The following FBXO11 variants were observed in gnomAD, a reference collection of about 807,000 sequenced individuals.
FBXO11 encodes the protein F-box only protein 11.
Under a neutral mutation model 117.0 loss-of-function variants are expected in FBXO11, and 13 were observed. The ratio of observed to expected loss-of-function variants is 0.11; its 90% CI spans 0.07 to 0.18. The LOEUF (loss-of-function observed/expected upper bound fraction) is 0.18. Ranked by LOEUF, FBXO11 falls within the 10% of genes least tolerant of loss-of-function variation. The probability of loss-of-function intolerance (pLI) is 1.00; values close to 1 mark genes in which losing one functional copy is unlikely to be tolerated. For synonymous variants in FBXO11, 490 were observed against 380.5 expected, an observed-to-expected ratio of 1.29 and a Z score of -3.35; for missense variants, 767 against 1,164.4, an observed-to-expected ratio of 0.66 and a Z score of 4.97.
At chr2:47,839,837 CTT>C in intron 1 of FBXO11, 68 bp from the exon 2 acceptor site, 1 of 1,472,612 alleles carries the variant, frequency 6.8e-7, no homozygotes, top group Non-Finnish European at 9.1e-7. Flanking sequence ...ATACAGAAAA[CTT>C]TCTTAAAACT....
chr2:47,833,903 A>G lies in FBXO11; in HGVS notation c.934+676T>C, dbSNP rs567974411. Among the ~76,000 whole-genome samples the G allele has an allele frequency of 2.6e-4, 40 of 151,904 alleles. 1 individual carries two copies. Among genetic ancestry groups the G allele is most frequent in the African/African-American group, 9.4e-4 (39 of 41,438 alleles). ...GGCCAGTCTTTAACTCCTGACCTGA[A>G]GCGATCCACCCACCTCAGCCTCCCA... On this transcript the variant is annotated intron_variant, in intron 7 of 22. Transcript: ENST00000403359.
chr2:47,831,427 G>GAAAAAAAA (rs920107554), intron 11 of FBXO11, among the ~76,000 whole-genome samples: 17 of 65,574 alleles, frequency 2.6e-4, no homozygotes, highest in African/African-American at 3.5e-4. Context: ...GTCTCAAAAA[G>GAAAAAAAA]AAAAAAAAAA....
chr2:47,870,666 T>C (rs1294377888), intron 1 of FBXO11, among the ~76,000 whole-genome samples: 5 of 152,334 alleles, frequency 3.3e-5, no homozygotes, highest in African/African-American at 7.2e-5. Context: ...TGCTGCTACT[T>C]TGATTTTAAA....
chr2:47,842,486 G>A (rs775148384), intron 1 of FBXO11, among the ~76,000 whole-genome samples: 2 of 151,940 alleles, frequency 1.3e-5, no homozygotes, highest in Admixed American at 6.6e-5. Context: ...TAATAACAAA[G>A]GTATAAAAAG....
intron 1 of FBXO11, among the ~76,000 whole-genome samples, chr2:47,864,349 A>G (rs1430005632): frequency 6.6e-6 from 1 of 152,230 alleles, no homozygotes; most frequent in African/African-American, 2.4e-5. Flanking sequence ...GCAGTTTGGG[A>G]GGCCAGGGCA....
At chr2:47,822,349 A>G (rs1393034616) in intron 12 of FBXO11, 46 bp from the exon 13 acceptor site, 2 of 1,286,688 alleles carry the variant, frequency 1.6e-6, no homozygotes, top group Non-Finnish European at 2.2e-6. Context: ...TATTCAGCCA[A>G]ACTTACTTGT....
chr2:47,903,727 G>C (rs1678501727), intron 1 of FBXO11, among the ~76,000 whole-genome samples: 1 of 152,160 alleles, frequency 6.6e-6, no homozygotes, highest in Admixed American at 6.5e-5. Context: ...TGTAGCAATA[G>C]AATCCTTAAT....
chr2:47,866,150 G>A (rs1166178701), intron 1 of FBXO11, among the ~76,000 whole-genome samples: 1 of 150,398 alleles, frequency 6.6e-6, no homozygotes, highest in Admixed American at 6.7e-5. Flanking sequence ...AAAGGCTGAA[G>A]CAGGAGGAAC....
At chr2:47,836,886 T>C (rs1672615337) in intron 4 of FBXO11, 3 of 354,622 alleles carry the variant, frequency 8.5e-6, no homozygotes, top group South Asian at 4.3e-5. Context: ...CAGGTTCAAG[T>C]GATCCTCTTG....
At chr2:47,891,506 T>G (rs1214206052) in intron 1 of FBXO11, among the ~76,000 whole-genome samples, 2 of 152,250 alleles carry the variant, frequency 1.3e-5, no homozygotes, top group Non-Finnish European at 2.9e-5. Flanking sequence ...ATTTTCTTTA[T>G]TTCTTCATCT....
At position 47,823,138 on chromosome 2, in the gene FBXO11, A is replaced by G. The variant is rs772922665; in HGVS notation, c.1616+5T>C. 2.6e-5 allele frequency: 41 copies of G among 1,599,406 alleles called. No homozygotes were observed. In the Middle Eastern group the frequency reaches 8.3e-4, roughly 32 times the overall value. On this transcript the variant is annotated splice_donor_5th_base_variant and intron_variant, in intron 12 of 22. Coordinates refer to ENST00000403359, the MANE Select transcript of FBXO11 (RefSeq NM_001190274.2). ...TAATTTTCACCCATAATTATATGTA[A>G]ATACCTTATTGTTGGGTCACTATTT...
intron 1 of FBXO11, among the ~76,000 whole-genome samples, chr2:47,867,704 T>C (rs1675298078): frequency 6.6e-6 from 1 of 151,694 alleles, no homozygotes; most frequent in African/African-American, 2.4e-5. Flanking sequence ...CAGGGGAATC[T>C]ATATCAAATG....
chr2:47,840,343 A>C (rs1672923156), intron 1 of FBXO11, among the ~76,000 whole-genome samples: 1 of 152,072 alleles, frequency 6.6e-6, no homozygotes, highest in Non-Finnish European at 1.5e-5. Context: ...TATATGGTGA[A>C]GGCAGCTTGG....
chr2:47,877,672 A>G (rs893371668), intron 1 of FBXO11, among the ~76,000 whole-genome samples: 2 of 151,872 alleles, frequency 1.3e-5, no homozygotes. Flanking sequence ...ACCCCAGAAT[A>G]AGGTTTTTCG....
intron 14 of FBXO11, among the ~76,000 whole-genome samples, chr2:47,819,479 G>T (rs1572777426): frequency 2.0e-5 from 3 of 152,298 alleles, no homozygotes; most frequent in Non-Finnish European, 4.4e-5. Flanking sequence ...CTCCCAAAGT[G>T]CTGGGATTAC....
At chr2:47,877,642 A>C (rs556196317) in intron 1 of FBXO11, among the ~76,000 whole-genome samples, 15 of 151,794 alleles carry the variant, frequency 9.9e-5, no homozygotes, top group Non-Finnish European at 1.9e-4. Flanking sequence ...CATTTTCTCC[A>C]TCTCTCACTC....
At chr2:47,838,662 TA>T (rs1324723091) in intron 4 of FBXO11, among the ~76,000 whole-genome samples, 196 bp downstream of exon 4, 1 of 152,210 alleles carries the variant, frequency 6.6e-6, no homozygotes, top group African/African-American at 2.4e-5. Context: ...AAACAGCAGA[TA>T]AAAGACTTCA....
In FBXO11 at chr2:47,882,640, A is replaced by G. The variant is rs1439070421; in HGVS notation, c.232+22849T>C. On this transcript the variant is annotated intron_variant, in intron 1 of 22. Transcript: ENST00000403359. ...TAGTCTGCTTCTTGTGCTCCTTCTTATTTCATCTGTATTTCTGTACTATTT... is the reference window on the plus strand; with the variant it reads ...TAGTCTGCTTCTTGTGCTCCTTCTTGTTTCATCTGTATTTCTGTACTATTT... 3.3e-5 allele frequency among the ~76,000 whole-genome samples: 5 copies of G among 151,474 alleles called. No homozygotes were observed. The East Asian group carries it at 9.7e-4, about 29-fold the overall frequency.
At chr2:47,823,102 A>G (rs1323671253) in intron 12 of FBXO11, 41 bp downstream of exon 12, 1 of 1,439,224 alleles carries the variant, frequency 6.9e-7, no homozygotes, top group Non-Finnish European at 9.5e-7. Flanking sequence ...GCAAACCTTG[A>G]AGTGAAAAAG....
Sources: gnomAD v4.1 joint callset for allele counts (sites outside exome capture counted in the v4.1 genomes callset) on GRCh38, gnomAD v4.1.1 for gene constraint, MANE v1.5 for transcripts, NCBI Gene and HGNC (gene_info 2026-07-23, HGNC 2026-07-21) for gene names.